The following CCDC88A variants were observed in gnomAD, a reference collection of about 807,000 sequenced individuals.
CCDC88A encodes girdin.
CCDC88A carries 54 observed loss-of-function variants against 234.3 expected under a neutral mutation model. That is an observed-to-expected ratio of 0.23 (90% CI 0.19 to 0.29). CCDC88A has a LOEUF of 0.29. Ranked by LOEUF, CCDC88A falls within the 10% of genes least tolerant of loss-of-function variation. The pLI is 1.00. For missense variants in CCDC88A, 1,832 were observed against 2,123.4 expected, an observed-to-expected ratio of 0.86 and a Z score of 2.70; for synonymous variants, 753 against 737.8, an observed-to-expected ratio of 1.02 and a Z score of -0.33.
chr2:55,386,084 G>A (rs1278138565), intron 3 of CCDC88A, among the ~76,000 whole-genome samples: 3 of 151,578 alleles, frequency 2.0e-5, no homozygotes, highest in South Asian at 2.1e-4. Flanking sequence ...TGAGCCGGGC[G>A]TGGTGGCATG....
At chr2:55,415,759 G>A (rs917736474) in intron 2 of CCDC88A, among the ~76,000 whole-genome samples, 2 of 152,092 alleles carry the variant, frequency 1.3e-5, no homozygotes, top group African/African-American at 2.4e-5. Flanking sequence ...GACTGAGAGC[G>A]AACACCACCA....
intron 2 of CCDC88A, among the ~76,000 whole-genome samples, chr2:55,408,898 T>C (rs1419354098): frequency 6.6e-6 from 1 of 152,168 alleles, no homozygotes; most frequent in Non-Finnish European, 1.5e-5. Flanking sequence ...GCTTTCTTCC[T>C]CACTTTAATG....
intron 17 of CCDC88A, among the ~76,000 whole-genome samples, chr2:55,326,518 G>A (rs761493661): frequency 6.6e-6 from 1 of 152,148 alleles, no homozygotes; most frequent in Non-Finnish European, 1.5e-5. Flanking sequence ...TACATAGCAG[G>A]AAGCTAGTCC....
At chr2:55,327,918 T>A (rs1295770508) in intron 17 of CCDC88A, among the ~76,000 whole-genome samples, 1 of 152,224 alleles carries the variant, frequency 6.6e-6, no homozygotes, top group Non-Finnish European at 1.5e-5. Flanking sequence ...TAACTTGGTA[T>A]ACTCACACTC....
At chr2:55,344,769 A>G (rs529555670) in intron 10 of CCDC88A, among the ~76,000 whole-genome samples, 2 of 152,298 alleles carry the variant, frequency 1.3e-5, no homozygotes, top group South Asian at 4.1e-4. Flanking sequence ...TAACTTCCTT[A>G]GTCACAAGGA....
At chr2:55,368,727 A>G (rs1672375435) in intron 5 of CCDC88A, among the ~76,000 whole-genome samples, 1 of 152,308 alleles carries the variant, frequency 6.6e-6, no homozygotes, top group Middle Eastern at 3.4e-3. Flanking sequence ...TCTACAAATA[A>G]CAATTATAAC....
At chr2:55,352,722 ACT>A (rs1670049622) in intron 8 of CCDC88A, among the ~76,000 whole-genome samples, 1 of 152,196 alleles carries the variant, frequency 6.6e-6, no homozygotes, top group Non-Finnish European at 1.5e-5. Context: ...TTTAAAAATT[ACT>A]TTTTTCACTC....
intron 13 of CCDC88A, chr2:55,337,707 G>A (rs1667972887): frequency 6.6e-6 from 1 of 152,134 alleles, no homozygotes; most frequent in African/African-American, 2.4e-5. Context: ...AGGCATGGTG[G>A]CCTGTGCCTG....
intron 22 of CCDC88A, chr2:55,313,075 T>C (rs765009752): frequency 6.6e-6 from 1 of 152,342 alleles, no homozygotes; most frequent in Non-Finnish European, 1.5e-5. Context: ...CCCCATCTAC[T>C]GTTTTCTTTT....
chr2:55,389,266 A>G (rs906193712), intron 2 of CCDC88A, among the ~76,000 whole-genome samples: 3 of 152,182 alleles, frequency 2.0e-5, no homozygotes, highest in African/African-American at 7.2e-5. Context: ...ATTTCTCCTC[A>G]CTGGGTAATA....
At chr2:55,341,443 C>T (rs185270575) in intron 12 of CCDC88A, among the ~76,000 whole-genome samples, 32 of 128,828 alleles carry the variant, frequency 2.5e-4, no homozygotes, top group African/African-American at 7.4e-4. Context: ...CGGCACTCCC[C>T]GCCCCCTTTT....
In CCDC88A at chr2:55,318,801, T is replaced by C. The variant is rs201027965; in HGVS notation, c.3324+42A>G. ...CCCTCCCTTATTTTAATAGCATAAT[T>C]CAAGAGTTTGGTTGCATATTCCCAA... On this transcript the variant is annotated intron_variant, in intron 19 of 32. Coordinates refer to ENST00000436346, the MANE Select transcript of CCDC88A (RefSeq NM_001365480.1). 3.6e-4 allele frequency: 523 copies of C among 1,456,542 alleles called. 1 individual carries two copies. In the African/African-American group the frequency reaches 6.9e-3, roughly 19 times the overall value. 90.2% of individuals were successfully genotyped at this position (1,456,542 alleles called of 1,614,324 possible). A position where few individuals can be genotyped will look rare whatever the true frequency, so the allele number is the denominator to read the frequency against.
intron 9 of CCDC88A, chr2:55,348,668 C>T (rs1181227397): frequency 6.6e-6 from 1 of 152,102 alleles, no homozygotes; most frequent in East Asian, 1.9e-4. Flanking sequence ...TAATTTTTAA[C>T]AGTGGTGAGG....
chr2:55,384,330 A>AG (rs11430278), intron 3 of CCDC88A, among the ~76,000 whole-genome samples: 8,960 of 150,378 alleles, frequency 0.06, 903 homozygotes, highest in African/African-American at 0.2. Context: ...ATCTCAAAAA[A>AG]AAAAAAAATC....
Position 55,295,857 on chromosome 2 carries a change from G to A in CCDC88A, c.5291C>T (p.Thr1764Ile). 1 of 1,613,918 alleles carries A rather than the reference G, an allele frequency of 6.2e-7. No individual in the cohort carries two copies. Among genetic ancestry groups the A allele is most frequent in the Non-Finnish European group, 8.5e-7 (1 of 1,179,918 alleles). Residue 1764 changes from threonine (T) to isoleucine (I), a missense_variant, in exon 31 of 33, where the codon ACC (threonine) becomes ATC (isoleucine). Thr to Ile is a moderately conservative substitution (Grantham distance 89). Around this residue, in one of 6 missense-constraint regions of CCDC88A, gnomAD observed 422 missense variants for 416.5 expected, o/e 1.01. Coordinates refer to ENST00000436346, the MANE Select transcript of CCDC88A (RefSeq NM_001365480.1). ...LRPGPRKTED[T>I]YFISSAGKPT... The stretch of plus-strand genomic sequence containing the variant: ...TTTTCCCGCAGAACTAATGAAGTAG[G>A]TATCTTCAGTTTTTCGAGGACCAGG...
At chr2:55,333,798 T>G (rs932407466) in intron 15 of CCDC88A, among the ~76,000 whole-genome samples, 2 of 152,080 alleles carry the variant, frequency 1.3e-5, no homozygotes, top group Non-Finnish European at 2.9e-5. Flanking sequence ...TACTTAGAAT[T>G]TAGTGTCTTG....
In CCDC88A at chr2:55,344,352, A is replaced by G; in HGVS notation, c.1188+16T>C. The G allele has an allele frequency of 2.6e-6, 4 of 1,540,538 alleles. No individual in the cohort carries two copies. Among genetic ancestry groups the G allele is most frequent in the South Asian group, 1.3e-5 (1 of 78,006 alleles). Reference sequence around the variant, plus strand: ...TCCTTAAAGGCCATGTAACTGATCTACCTCTTAAAACTTACCATTTCCATA... The same window carrying G: ...TCCTTAAAGGCCATGTAACTGATCTGCCTCTTAAAACTTACCATTTCCATA... On this transcript the variant is annotated intron_variant, in intron 11 of 32. Transcript: ENST00000436346.
chr2:55,307,979 T>C (rs2104592589), intron 25 of CCDC88A: 1 of 121,496 alleles, frequency 8.2e-6, no homozygotes, highest in Middle Eastern at 3.9e-3. Context: ...TTTCTTTCTT[T>C]TTTTTTTTTT....
At chr2:55,296,728 C>G (rs1680071390) in intron 29 of CCDC88A, 1 of 586,272 alleles carries the variant, frequency 1.7e-6, no homozygotes, top group Admixed American at 3.2e-5. Flanking sequence ...TTTTGTCAAA[C>G]TGACAACTAT....
Sources: allele counts gnomAD v4.1 joint callset (sites outside exome capture counted in the v4.1 genomes callset), GRCh38; gene constraint gnomAD v4.1.1; regional missense constraint gnomAD v4.1.1; transcripts MANE v1.5; gene names NCBI Gene and HGNC (gene_info 2026-07-23, HGNC 2026-07-21).